Variants in PTPRK observed in about 807,000 individuals in gnomAD.
The protein encoded by PTPRK is protein tyrosine phosphatase receptor type K.
Under a neutral mutation model 178.0 loss-of-function variants are expected in PTPRK, and 75 were observed. That is an observed-to-expected ratio of 0.42 (90% CI 0.35 to 0.51). The LOEUF (loss-of-function observed/expected upper bound fraction) is 0.51. Ranked by LOEUF, PTPRK falls within the 20% of genes least tolerant of loss-of-function variation. The pLI is 0.02. For missense variants in PTPRK, 1,441 were observed against 1,797.8 expected (o/e 0.80, Z 3.59); for synonymous variants, 637 against 620.6 (o/e 1.03, Z -0.39).
intron 13 of PTPRK, among the ~76,000 whole-genome samples, chr6:128,063,743 C>T (rs931479748): frequency 6.6e-6 from 1 of 152,112 alleles, no homozygotes; most frequent in Non-Finnish European, 1.5e-5. Context: ...TTTTTCTCTT[C>T]CATAAAGCTT....
chr6:128,070,313 G>C (rs1782593113), intron 11 of PTPRK, among the ~76,000 whole-genome samples: 1 of 151,772 alleles, frequency 6.6e-6, no homozygotes, highest in African/African-American at 2.4e-5. Flanking sequence ...CTGAATATTT[G>C]TGCCCCCTCC....
intron 2 of PTPRK, among the ~76,000 whole-genome samples, chr6:128,391,134 A>G (rs1003069231): frequency 1.3e-5 from 2 of 152,114 alleles, no homozygotes; most frequent in African/African-American, 4.8e-5. Flanking sequence ...TTTAAAAAAG[A>G]ATTCTATTAC....
At chr6:128,165,574 A>C (rs879732418) in intron 7 of PTPRK, among the ~76,000 whole-genome samples, 1 of 151,146 alleles carries the variant, frequency 6.6e-6, no homozygotes, top group African/African-American at 2.4e-5. Flanking sequence ...ATATGTAATA[A>C]GTATTTATAT....
intron 3 of PTPRK, among the ~76,000 whole-genome samples, chr6:128,267,401 T>A (rs995875919): frequency 1.3e-5 from 2 of 152,076 alleles, no homozygotes; most frequent in African/African-American, 4.8e-5. Flanking sequence ...GGGAAATATC[T>A]CTCTTTTATT....
At chr6:128,272,295 TG>T (rs1562176877) in intron 3 of PTPRK, among the ~76,000 whole-genome samples, 1 of 152,118 alleles carries the variant, frequency 6.6e-6, no homozygotes, top group African/African-American at 2.4e-5. Context: ...GACACAGGCA[TG>T]GGCAAGGACC....
At chr6:128,160,013 T>C (rs1318873203) in intron 7 of PTPRK, among the ~76,000 whole-genome samples, 2 of 151,770 alleles carry the variant, frequency 1.3e-5, no homozygotes, top group African/African-American at 2.4e-5. Flanking sequence ...TTAAACTTCA[T>C]TTATATCTTG....
chr6:128,425,034 G>A (rs940907586), intron 1 of PTPRK, among the ~76,000 whole-genome samples: 1 of 150,280 alleles, frequency 6.7e-6, no homozygotes, highest in Non-Finnish European at 1.5e-5. Context: ...TGAGATTTTG[G>A]TGCAGCCATC....
At chr6:127,998,062 G>A (rs1777363861) in intron 16 of PTPRK, among the ~76,000 whole-genome samples, 2 of 152,026 alleles carry the variant, frequency 1.3e-5, no homozygotes, top group Non-Finnish European at 2.9e-5. Flanking sequence ...GCTATATTAT[G>A]TTTGTTGGAA....
chr6:128,222,089 C>T lies in PTPRK; in HGVS notation c.694-2993G>A, dbSNP rs140194467. Among the ~76,000 whole-genome samples, 18 of 152,254 alleles carry T rather than the reference C, an allele frequency of 1.2e-4. No individual in the cohort carries two copies. In the East Asian group the frequency reaches 2.7e-3, roughly 23 times the overall value. ...ATATGTATTTCTCAGTTCTTCTGCA[C>T]GACTAGCCAATTCCCACTGCCTGTA... On this transcript the variant is annotated intron_variant, in intron 5 of 29. Transcript: ENST00000368226.
intron 3 of PTPRK, among the ~76,000 whole-genome samples, chr6:128,275,499 C>A (rs1436038822): frequency 6.6e-6 from 1 of 151,762 alleles, no homozygotes; most frequent in South Asian, 2.1e-4. Flanking sequence ...CTATTTGGCT[C>A]TAAAGAAAAA....
chr6:128,083,532 CA>C (rs1356055277), intron 9 of PTPRK, 182 bp downstream of exon 9: 3 of 402,908 alleles, frequency 7.4e-6, no homozygotes, highest in African/African-American at 2.1e-5. Context: ...AGATGCCATA[CA>C]AAATATTTAT....
Position 128,520,243 on chromosome 6 carries a change from C to T in PTPRK, c.100+16G>A, listed in dbSNP as rs755924147. On this transcript the variant is annotated intron_variant, in intron 1 of 29. Transcript: ENST00000368226. The stretch of plus-strand genomic sequence containing the variant: ...GGACTCCAGGCGTTCGTCGGGGACG[C>T]CCCCCGGCCACTCACCTGCGGAGAA... 1.3e-6 allele frequency: 2 copies of T among 1,568,324 alleles called. No individual in the cohort carries two copies. The highest frequency in any genetic ancestry group is 2.3e-5 in the South Asian group (2 of 85,672).
intron 2 of PTPRK, among the ~76,000 whole-genome samples, chr6:128,360,577 T>C (rs1267775309): frequency 6.6e-6 from 1 of 152,184 alleles, no homozygotes; most frequent in East Asian, 1.9e-4. Flanking sequence ...ATGAAGCCAG[T>C]AATTCACCTC....
intron 1 of PTPRK, among the ~76,000 whole-genome samples, chr6:128,506,800 T>C (rs1479676573): frequency 2.0e-5 from 3 of 152,110 alleles, no homozygotes; most frequent in African/African-American, 7.2e-5. Flanking sequence ...ATCAGCATAT[T>C]GAGCTGATTT....
At chr6:128,005,042 G>T in intron 15 of PTPRK, 42 bp downstream of exon 15, 1 of 1,529,324 alleles carries the variant, frequency 6.5e-7, no homozygotes, top group South Asian at 1.2e-5. Context: ...AAAGTGAAAT[G>T]AGTTGTAACA....
chr6:128,264,338 C>T (rs982001), intron 3 of PTPRK, among the ~76,000 whole-genome samples: 6,829 of 152,186 alleles, frequency 0.045, 512 homozygotes, highest in African/African-American at 0.16. Flanking sequence ...GTAATACATG[C>T]AGTTCTGTTA....
intron 6 of PTPRK, among the ~76,000 whole-genome samples, chr6:128,213,065 A>G (rs1808518489): frequency 6.6e-6 from 1 of 152,092 alleles, no homozygotes; most frequent in South Asian, 2.1e-4. Context: ...TTAAATAAAC[A>G]TAGATACTAT....
intron 2 of PTPRK, among the ~76,000 whole-genome samples, chr6:128,392,637 A>T (rs1476515688): frequency 6.6e-6 from 1 of 152,206 alleles, no homozygotes; most frequent in Non-Finnish European, 1.5e-5. Context: ...GAGATCAAAG[A>T]ATGATTTCTA....
chr6:128,389,769 T>C (rs1839296566), intron 2 of PTPRK, among the ~76,000 whole-genome samples: 1 of 152,062 alleles, frequency 6.6e-6, no homozygotes, highest in Non-Finnish European at 1.5e-5. Flanking sequence ...GGCTATTCTT[T>C]TCCCCTGAAA....
Sources: allele counts gnomAD v4.1 joint callset (sites outside exome capture counted in the v4.1 genomes callset), GRCh38; gene constraint gnomAD v4.1.1; transcripts MANE v1.5; gene names NCBI Gene and HGNC (gene_info 2026-07-23, HGNC 2026-07-21).